The following PDE1A variants were observed in gnomAD, a reference collection of about 807,000 sequenced individuals.
The protein encoded by PDE1A is dual specificity calcium/calmodulin-dependent 3',5'-cyclic nucleotide phosphodiesterase 1A.
A neutral mutation model predicts 61.7 loss-of-function variants in PDE1A; 35 were observed. The ratio of observed to expected loss-of-function variants is 0.57; its 90% CI spans 0.43 to 0.75. The LOEUF is 0.75. PDE1A is among the 30% of genes least tolerant of loss of function. The probability of loss-of-function intolerance (pLI) is 0.00; values close to 1 mark genes in which losing one functional copy is unlikely to be tolerated. For synonymous variants in PDE1A, 232 were observed against 213.2 expected (o/e 1.09, Z -0.77); for missense variants, 597 against 630.6 (o/e 0.95, Z 0.57).
chr2:182,420,585 G>A (rs1703215646), intron 1 of PDE1A, among the ~76,000 whole-genome samples: 1 of 152,156 alleles, frequency 6.6e-6, no homozygotes, highest in Admixed American at 6.5e-5. Context: ...CCTATAAGCA[G>A]CTGGTTAATA....
chr2:182,704,559 T>C, the PDE1A span, among the ~76,000 whole-genome samples: 1 of 152,224 alleles, frequency 6.6e-6, no homozygotes, highest in Non-Finnish European at 1.5e-5. Context: ...CTACAAATAT[T>C]TACCATATTA....
chr2:182,631,459 T>C, the PDE1A span, among the ~76,000 whole-genome samples: 1 of 152,206 alleles, frequency 6.6e-6, no homozygotes, highest in African/African-American at 2.4e-5. Context: ...GATTGTACAA[T>C]GCCACATTAG....
At chr2:182,541,932 T>C in the PDE1A span, among the ~76,000 whole-genome samples, 8,248 of 152,278 alleles carry the variant, frequency 0.054, 277 homozygotes, top group Middle Eastern at 0.099. Context: ...CAGGAAAGAC[T>C]GGCTTAAGGA....
chr2:182,712,717 T>A, the PDE1A span, among the ~76,000 whole-genome samples: 2 of 152,042 alleles, frequency 1.3e-5, no homozygotes, highest in Admixed American at 1.3e-4. Flanking sequence ...CCACCACGCC[T>A]GGCTAATTTT....
At chr2:182,467,644 G>A (rs1011069209) in intron 2 of PDE1A, among the ~76,000 whole-genome samples, 2 of 151,834 alleles carry the variant, frequency 1.3e-5, no homozygotes, top group Non-Finnish European at 2.9e-5. Flanking sequence ...GACTAAAACT[G>A]TAAAAATAAA....
chr2:182,424,209 T>A (rs1271334819), intron 1 of PDE1A, among the ~76,000 whole-genome samples: 1 of 152,174 alleles, frequency 6.6e-6, no homozygotes, highest in Admixed American at 6.6e-5. Context: ...CCTCCCAAAG[T>A]GCTGGGATTA....
At chr2:182,402,483 T>A (rs1702063354) in intron 1 of PDE1A, among the ~76,000 whole-genome samples, 1 of 152,200 alleles carries the variant, frequency 6.6e-6, no homozygotes, top group Non-Finnish European at 1.5e-5. Flanking sequence ...TGTAGAAAAC[T>A]GAAACTGGAC....
chr2:182,682,067 C>A, the PDE1A span, among the ~76,000 whole-genome samples: 477 of 152,320 alleles, frequency 3.1e-3, 1 homozygote, highest in African/African-American at 0.011. Context: ...GACTTCACAG[C>A]ACTTGAACTT....
intron 1 of PDE1A, among the ~76,000 whole-genome samples, chr2:182,266,044 T>C (rs146334772): frequency 0.011 from 1,689 of 152,284 alleles, 34 homozygotes; most frequent in South Asian, 0.088. Context: ...TAAGCAATAG[T>C]TCATTTCTCT....
intron 7 of PDE1A, among the ~76,000 whole-genome samples, chr2:182,218,472 T>C (rs907877535): frequency 3.9e-5 from 6 of 152,170 alleles, no homozygotes; most frequent in African/African-American, 1.4e-4. Context: ...TTATTAACTC[T>C]AGTTGACACA....
At chr2:182,475,165 T>C (rs1474844548) in intron 2 of PDE1A, among the ~76,000 whole-genome samples, 1 of 151,932 alleles carries the variant, frequency 6.6e-6, no homozygotes. Flanking sequence ...AGCCTTCCAC[T>C]ACTTCAACAA....
intron 1 of PDE1A, among the ~76,000 whole-genome samples, chr2:182,369,815 G>A (rs1046832700): frequency 6.6e-6 from 1 of 152,192 alleles, no homozygotes; most frequent in Non-Finnish European, 1.5e-5. Context: ...CAAGTGTAGT[G>A]CAAATGGAAG....
At chr2:182,471,764 A>C (rs1687044163) in intron 2 of PDE1A, among the ~76,000 whole-genome samples, 1 of 151,700 alleles carries the variant, frequency 6.6e-6, no homozygotes. Context: ...TTCATAAGAC[A>C]CTCTTCCTCT....
intron 2 of PDE1A, among the ~76,000 whole-genome samples, chr2:182,486,705 T>C (rs1233873920): frequency 6.6e-6 from 1 of 152,118 alleles, no homozygotes; most frequent in Non-Finnish European, 1.5e-5. Context: ...TCAACAAATG[T>C]TTCCAGGTCA....
chr2:182,356,973 T>C (rs924267108), intron 1 of PDE1A, among the ~76,000 whole-genome samples: 16 of 151,906 alleles, frequency 1.1e-4, no homozygotes, highest in African/African-American at 2.9e-4. Context: ...TAGGTGGGAA[T>C]TGAACAATGA....
chr2:182,634,238 A>T, the PDE1A span, among the ~76,000 whole-genome samples: 93,670 of 152,030 alleles, frequency 0.62, 29,107 homozygotes, highest in Admixed American at 0.71. Context: ...AAATGTACAA[A>T]TGTACATTTA....
intron 1 of PDE1A, among the ~76,000 whole-genome samples, chr2:182,380,854 AC>A (rs1700693072): frequency 6.6e-6 from 1 of 152,204 alleles, no homozygotes; most frequent in Non-Finnish European, 1.5e-5. Context: ...CACTGAATGA[AC>A]CTCAGCTGGG....
At chr2:182,350,549 A>G (rs1433039977) in intron 1 of PDE1A, among the ~76,000 whole-genome samples, 1 of 152,200 alleles carries the variant, frequency 6.6e-6, no homozygotes, top group Non-Finnish European at 1.5e-5. Flanking sequence ...AAAGCAGGAA[A>G]AAAGTGCAGT....
At chr2:182,211,515 C>T (rs924801980) in intron 7 of PDE1A, among the ~76,000 whole-genome samples, 1 of 152,166 alleles carries the variant, frequency 6.6e-6, no homozygotes, top group Non-Finnish European at 1.5e-5. Context: ...TTTGCCTCTC[C>T]ATACAAACTT....
Sources: gnomAD v4.1 joint callset for allele counts (sites outside exome capture counted in the v4.1 genomes callset) on GRCh38, gnomAD v4.1.1 for gene constraint, MANE v1.5 for transcripts, NCBI Gene and HGNC (gene_info 2026-07-23, HGNC 2026-07-21) for gene names.